DNAH8: variants seen among roughly 807,000 people sequenced by gnomAD.
The protein encoded by DNAH8 is dynein axonemal heavy chain 8.
In DNAH8, 382 loss-of-function variants were observed where a neutral mutation model predicts 562.1. That is an observed-to-expected ratio of 0.68 (90% CI 0.63 to 0.74). DNAH8 has a LOEUF of 0.74. Ranked by LOEUF, DNAH8 falls within the 30% of genes least tolerant of loss-of-function variation. The probability of loss-of-function intolerance (pLI) is 0.00; values close to 1 mark genes in which losing one functional copy is unlikely to be tolerated. For missense variants in DNAH8, 5,203 were observed against 5,620.4 expected (o/e 0.93, Z 2.37); for synonymous variants, 1,881 against 1,919.4 (o/e 0.98, Z 0.52).
rs535166539 is a variant in DNAH8 at position 38,938,317 on chromosome 6, A to G, written c.11816+91A>G. 8 of 1,440,320 alleles carry G rather than the reference A, an allele frequency of 5.6e-6. No homozygotes were observed. In the East Asian group the frequency reaches 1.1e-4, roughly 21 times the overall value. The allele number at this position is 1,440,320 out of a possible 1,614,324, so 89.2% of individuals were successfully genotyped here. Reference sequence around the variant, plus strand: ...AGAAATTGCTTTTTCACTATTCACAATAGCAAAGACATGGAATCAACCTAA... The same window carrying G: ...AGAAATTGCTTTTTCACTATTCACAGTAGCAAAGACATGGAATCAACCTAA... On this transcript the variant is annotated intron_variant, in intron 78 of 92. Transcript: ENST00000327475.
At chr6:38,868,553 T>G (rs1054613123) in intron 48 of DNAH8, among the ~76,000 whole-genome samples, 1 of 152,248 alleles carries the variant, frequency 6.6e-6, no homozygotes, top group African/African-American at 2.4e-5. Flanking sequence ...TCTCTGTATG[T>G]GACTAGCTTA....
intron 23 of DNAH8, among the ~76,000 whole-genome samples, chr6:38,806,962 G>A (rs182899234): frequency 5.8e-4 from 89 of 152,200 alleles, no homozygotes; most frequent in Non-Finnish European, 9.0e-4. Flanking sequence ...CCGGGTTCTA[G>A]AGCAGTGAGG....
At chr6:39,008,380 A>G (rs1765937415) in intron 88 of DNAH8, among the ~76,000 whole-genome samples, 1 of 152,156 alleles carries the variant, frequency 6.6e-6, no homozygotes, top group African/African-American at 2.4e-5. Flanking sequence ...TTAATAGGTT[A>G]TAACTCAGTG....
chr6:38,762,568 C>T (rs182343663), intron 11 of DNAH8, among the ~76,000 whole-genome samples: 87 of 152,238 alleles, frequency 5.7e-4, no homozygotes, highest in African/African-American at 1.9e-3. Context: ...GTTTTGGCAT[C>T]AATGTCTCAG....
chr6:38,945,673 A>C, intron 80 of DNAH8, 85 bp downstream of exon 80: 5 of 1,567,292 alleles, frequency 3.2e-6, no homozygotes, highest in Non-Finnish European at 4.3e-6. Flanking sequence ...TCCTGGCAGC[A>C]ATTCCTTCAC....
At chr6:38,843,127 TC>T (rs1774965943) in intron 35 of DNAH8, among the ~76,000 whole-genome samples, 1 of 152,026 alleles carries the variant, frequency 6.6e-6, no homozygotes, top group Non-Finnish European at 1.5e-5. Context: ...ATACATTTGT[TC>T]TGGAACCCTT....
rs755014464 is a variant in DNAH8 at position 38,875,815 on chromosome 6, T to C, written c.7845T>C (p.Tyr2615=). 3.1e-6 allele frequency: 5 copies of C among 1,611,060 alleles called. No homozygotes were observed. In the East Asian group the frequency reaches 1.1e-4, roughly 36 times the overall value. Reference sequence around the variant, plus strand: ...CAAATCAAACCATGTATGAGTTTTATGTTACTGATTATGGTAAGCCCACTG... The same window carrying C: ...CAAATCAAACCATGTATGAGTTTTACGTTACTGATTATGGTAAGCCCACTG... ...KGSNQTMYEF[Y]VTDYGDWEHW... Residue 2615 remains tyrosine, a synonymous_variant, in exon 53 of 93, where the codon TAT becomes TAC. Coordinates refer to ENST00000327475, the MANE Select transcript of DNAH8 (RefSeq NM_001206927.2).
chr6:38,731,111 T>G (rs563990316), intron 4 of DNAH8, among the ~76,000 whole-genome samples: 22 of 152,330 alleles, frequency 1.4e-4, no homozygotes, highest in African/African-American at 4.6e-4. Flanking sequence ...AAATAGTGAC[T>G]AGGTTGGCTT....
chr6:38,781,224 C>T, intron 15 of DNAH8, 30 bp from the exon 16 acceptor site: 6 of 1,612,080 alleles, frequency 3.7e-6, no homozygotes, highest in Non-Finnish European at 5.1e-6. Context: ...GTATTGAATT[C>T]AAACATTAAC....
chr6:38,862,502 T>TA, intron 44 of DNAH8, 44 bp downstream of exon 44: 2 of 1,559,454 alleles, frequency 1.3e-6, no homozygotes, highest in South Asian at 1.2e-5. Flanking sequence ...AATTTATTTT[T>TA]ATTGCCTTTT....
Position 38,863,930 on chromosome 6 carries a change from CT to C in DNAH8, c.6369del (p.Val2124TyrfsTer13), listed in dbSNP as rs746365010. ...CFDEFNRIEL[P>X]VLSVAAQQIY... ...GATGAGTTTAACAGAATTGAATTGC[CT>C]GTATTATCAGTGGCAGCACAACAAA... On this transcript the variant is annotated frameshift_variant, in exon 45 of 93. Transcript: ENST00000327475. LOFTEE classifies it high-confidence loss of function. 4 of 1,612,138 alleles carry C rather than the reference CT, an allele frequency of 2.5e-6. No homozygotes were observed. The highest frequency in any genetic ancestry group is 3.4e-6 in the Non-Finnish European group (4 of 1,179,642).
Position 38,938,859 on chromosome 6 carries a change from G to A in DNAH8, c.11878G>A (p.Glu3960Lys), listed in dbSNP as rs940769485. 4 of 1,613,010 alleles carry A rather than the reference G, an allele frequency of 2.5e-6. No homozygotes were observed. Among genetic ancestry groups the A allele is most frequent in the Non-Finnish European group, 3.4e-6 (4 of 1,179,238 alleles). ...AAATATTATCGAGTACCTGACATAT[G>A]AAGTTTTTACATACTCTGTCAGAGG... ...ITNIIEYLTY[E>K]VFTYSVRGLY... Residue 3960 changes from glutamate to lysine, a missense_variant, in exon 79 of 93, where the codon GAA (glutamate) becomes AAA (lysine). This residue lies in a region of DNAH8 where 1,399 missense variants were observed against 1,518.4 expected (regional missense o/e 0.92). Transcript: ENST00000327475.
chr6:39,009,038 C>T, intron 89 of DNAH8, 68 bp downstream of exon 89: 2 of 1,183,620 alleles, frequency 1.7e-6, no homozygotes, highest in South Asian at 1.6e-5. Context: ...GTTTGATTAC[C>T]TTGAAAAGCA....
At chr6:38,921,617 T>A in intron 71 of DNAH8, 111 bp downstream of exon 71, 7 of 1,202,888 alleles carry the variant, frequency 5.8e-6, no homozygotes, top group Non-Finnish European at 8.0e-6. Flanking sequence ...TTGGCCAGCA[T>A]GCCTATCTGC....
At chr6:38,836,597 C>T (rs1736070163) in intron 32 of DNAH8, among the ~76,000 whole-genome samples, 1 of 151,072 alleles carries the variant, frequency 6.6e-6, no homozygotes. Context: ...GAGGTGTGAG[C>T]CAAACAGGCT....
rs1188134183 is a variant in DNAH8 at position 38,734,775 on chromosome 6, G to A, written c.762+150G>A. 3 of 836,876 alleles carry A rather than the reference G, an allele frequency of 3.6e-6. No homozygotes were observed. The African/African-American group carries it at 5.2e-5, about 15-fold the overall frequency. The allele number at this position is 836,876 out of a possible 1,614,324, so 51.8% of individuals were successfully genotyped here. ...GTATTCATATATTAAAAAAAACTGA[G>A]AAATTGACTGTAATAGAGCTTAGTT... On this transcript the variant is annotated intron_variant, in intron 5 of 92. Coordinates refer to ENST00000327475, the MANE Select transcript of DNAH8 (RefSeq NM_001206927.2).
chr6:38,965,411 G>A lies in DNAH8; in HGVS notation c.12452-6181G>A, dbSNP rs1304452512. 5.3e-5 allele frequency among the ~76,000 whole-genome samples: 8 copies of A among 152,238 alleles called. 2 individuals are homozygous for A. In the East Asian group the frequency reaches 1.5e-3, roughly 29 times the overall value. On this transcript the variant is annotated intron_variant, in intron 82 of 92. Transcript: ENST00000327475. Reference sequence around the variant, plus strand: ...GATTGTGGATTATGCATATTAAAAGGATTAGAATAAAGATCTCTAGGGAGG... The same window carrying A: ...GATTGTGGATTATGCATATTAAAAGAATTAGAATAAAGATCTCTAGGGAGG...
intron 36 of DNAH8, among the ~76,000 whole-genome samples, chr6:38,846,441 C>A (rs1261951662): frequency 2.0e-5 from 3 of 152,172 alleles, no homozygotes; most frequent in Non-Finnish European, 4.4e-5. Flanking sequence ...TAGTTCTCAA[C>A]TATTCTTCAC....
At chr6:38,886,709 A>T (rs1008223437) in intron 56 of DNAH8, 82 bp from the exon 57 acceptor site, 4 of 1,087,126 alleles carry the variant, frequency 3.7e-6, no homozygotes, top group Non-Finnish European at 5.6e-6. Flanking sequence ...TTTTCTTCTA[A>T]TCTCATTTGT....
Sources: allele counts gnomAD v4.1 joint callset (sites outside exome capture counted in the v4.1 genomes callset), GRCh38; gene constraint gnomAD v4.1.1; regional missense constraint gnomAD v4.1.1; transcripts MANE v1.5; gene names NCBI Gene and HGNC (gene_info 2026-07-23, HGNC 2026-07-21).